Variants in PIGU observed in about 807,000 individuals in gnomAD.
The protein encoded by PIGU is GPI-anchor transamidase component PIGU.
A neutral mutation model predicts 49.9 loss-of-function variants in PIGU; 24 were observed. That is an observed-to-expected ratio of 0.48 (90% CI 0.35 to 0.68). PIGU has a LOEUF of 0.68. Ranked by LOEUF, PIGU falls within the 30% of genes least tolerant of loss-of-function variation. PIGU has a pLI of 0.01. For synonymous variants in PIGU, 220 were observed against 205.7 expected (o/e 1.07, Z -0.59); for missense variants, 490 against 532.6 (o/e 0.92, Z 0.79).
chr20:34,633,735 T>C (rs1985869226), intron 6 of PIGU, among the ~76,000 whole-genome samples: 1 of 151,902 alleles, frequency 6.6e-6, no homozygotes, highest in South Asian at 2.1e-4. Context: ...ACCCGGCTAA[T>C]TTTTTTCCTA....
rs746152548 is a variant in PIGU, at chr20:34,644,229, G to A, written c.256-3C>T. ...ATAGCAGTGAGTGCATCAGTTATCT[G>A]TCAAAAGAAAGAGAAATAATAGGAA... On this transcript the variant is annotated splice_polypyrimidine_tract_variant and splice_region_variant and intron_variant, in intron 3 of 11. Coordinates refer to ENST00000217446, the MANE Select transcript of PIGU (RefSeq NM_080476.5). 4 of 1,601,036 alleles carry A rather than the reference G, an allele frequency of 2.5e-6. No individual in the cohort carries two copies. Among genetic ancestry groups the A allele is most frequent in the Non-Finnish European group, 3.4e-6 (4 of 1,168,506 alleles).
At chr20:34,638,013 A>G in intron 4 of PIGU, 28 bp from the exon 5 acceptor site, 3 of 1,560,424 alleles carry the variant, frequency 1.9e-6, no homozygotes, top group Non-Finnish European at 2.6e-6. Flanking sequence ...AGGAAAAGAT[A>G]AAACACATGA....
chr20:34,662,158 G>C lies in PIGU; in HGVS notation c.131-4914C>G, dbSNP rs1986947250. On this transcript the variant is annotated intron_variant, in intron 1 of 11. Coordinates refer to ENST00000217446, the MANE Select transcript of PIGU (RefSeq NM_080476.5). ...CATGATCAGGGCTCACTGCAGCCTT[G>C]ACCTCTCAGGCTCAATCGATCCTCC... is the stretch of plus-strand genomic sequence containing the variant. Among the ~76,000 whole-genome samples the C allele has an allele frequency of 1.3e-5, 2 of 151,916 alleles. 1 individual carries two copies. Among genetic ancestry groups the C allele is most frequent in the African/African-American group, 4.8e-5 (2 of 41,326 alleles).
At chr20:34,603,652 T>G (rs1269019291) in intron 7 of PIGU, among the ~76,000 whole-genome samples, 1 of 152,170 alleles carries the variant, frequency 6.6e-6, no homozygotes, top group Non-Finnish European at 1.5e-5. Flanking sequence ...ATGACTCCAG[T>G]AGACTTTGAT....
Position 34,563,841 on chromosome 20 carries a change from G to A in PIGU, c.1195-2862C>T, listed in dbSNP as rs1347778190. On this transcript the variant is annotated intron_variant, in intron 11 of 11. Transcript: ENST00000217446. The stretch of plus-strand genomic sequence containing the variant: ...TGGCCAACACTATCTTAACCACGTG[G>A]TGGAGGTTAACATCAGCTTGAAATC... 5.3e-5 allele frequency among the ~76,000 whole-genome samples: 8 copies of A among 152,350 alleles called. No individual in the cohort carries two copies. The East Asian group carries it at 1.5e-3, about 29-fold the overall frequency.
At chr20:34,607,165 C>T (rs1984646771) in intron 7 of PIGU, among the ~76,000 whole-genome samples, 1 of 152,214 alleles carries the variant, frequency 6.6e-6, no homozygotes, top group South Asian at 2.1e-4. Flanking sequence ...TCTCTAAAAA[C>T]CATTCACCCA....
At chr20:34,599,846 C>T (rs1568633342) in intron 7 of PIGU, among the ~76,000 whole-genome samples, 1 of 152,160 alleles carries the variant, frequency 6.6e-6, no homozygotes, top group African/African-American at 2.4e-5. Context: ...GCTTTACACA[C>T]ATAGCTCTAC....
rs71349769 is a variant in PIGU at position 34,676,009 on chromosome 20, T to A, written c.130+947A>T. On this transcript the variant is annotated intron_variant, in intron 1 of 11. Coordinates refer to ENST00000217446, the MANE Select transcript of PIGU (RefSeq NM_080476.5). ...ACACTTACTTAATATGCATTGTATG[T>A]ATACTGTACTTCAGTAAAAAAAAAA... 8.9e-3 allele frequency among the ~76,000 whole-genome samples: 1,322 copies of A among 148,056 alleles called. 6 individuals carry two copies. The highest frequency in any genetic ancestry group is 0.024 in the Middle Eastern group (7 of 288).
At chr20:34,650,700 C>CTCTTTTTTTTTT (rs1986509194) in intron 2 of PIGU, among the ~76,000 whole-genome samples, 6 of 38,778 alleles carry the variant, frequency 1.5e-4, no homozygotes, top group African/African-American at 4.7e-4. Flanking sequence ...CTTTTTTTCT[C>CTCTTTTTTTTTT]TTTTTTTTTT....
At chr20:34,581,774 G>A in intron 9 of PIGU, 102 bp from the exon 10 acceptor site, 1 of 1,419,998 alleles carries the variant, frequency 7.0e-7, no homozygotes, top group South Asian at 1.3e-5. Context: ...ATCCTCAGGG[G>A]ACTTCAGGAA....
At chr20:34,624,474 T>G (rs1310935877) in intron 6 of PIGU, among the ~76,000 whole-genome samples, 2 of 152,212 alleles carry the variant, frequency 1.3e-5, no homozygotes, top group African/African-American at 4.8e-5. Context: ...TGATCCTTCT[T>G]TCTCCTTGGC....
intron 7 of PIGU, among the ~76,000 whole-genome samples, chr20:34,591,108 T>A (rs2146716323): frequency 6.6e-6 from 1 of 152,010 alleles, no homozygotes; most frequent in Non-Finnish European, 1.5e-5. Flanking sequence ...ATGGAAACAT[T>A]AAGCAAAAGA....
chr20:34,646,764 T>C (rs1986359535), intron 2 of PIGU, among the ~76,000 whole-genome samples: 1 of 152,146 alleles, frequency 6.6e-6, no homozygotes, highest in South Asian at 2.1e-4. Context: ...TAACATTTCT[T>C]CTTTGAGACT....
intron 2 of PIGU, 97 bp from the exon 3 acceptor site, chr20:34,645,431 A>G: frequency 7.3e-7 from 1 of 1,374,662 alleles, no homozygotes; most frequent in Non-Finnish European, 9.5e-7. Flanking sequence ...TTATGTCAGC[A>G]AACTATTATG....
At chr20:34,612,689 T>G in intron 7 of PIGU, among the ~76,000 whole-genome samples, 1 of 151,366 alleles carries the variant, frequency 6.6e-6, no homozygotes, top group Admixed American at 6.6e-5. Flanking sequence ...GGTGGTGCGA[T>G]CTAGGCTCCT....
At chr20:34,612,256 C>T (rs1032539061) in intron 7 of PIGU, among the ~76,000 whole-genome samples, 3 of 152,030 alleles carry the variant, frequency 2.0e-5, no homozygotes, top group Non-Finnish European at 2.9e-5. Flanking sequence ...ACACAGGAAC[C>T]GAAAACCAAA....
At chr20:34,664,073 T>C (rs1283565362) in intron 1 of PIGU, among the ~76,000 whole-genome samples, 3 of 152,240 alleles carry the variant, frequency 2.0e-5, no homozygotes, top group Non-Finnish European at 2.9e-5. Flanking sequence ...CTCTGCTATA[T>C]TGATGATTAA....
intron 9 of PIGU, among the ~76,000 whole-genome samples, chr20:34,583,633 C>T (rs923263949): frequency 2.0e-5 from 3 of 152,192 alleles, no homozygotes; most frequent in East Asian, 1.9e-4. Flanking sequence ...ACGGCCAGTG[C>T]GGAAAGGTGC....
At chr20:34,585,385 G>C (rs1983656500) in intron 9 of PIGU, 52 bp downstream of exon 9, 1 of 1,575,786 alleles carries the variant, frequency 6.3e-7, no homozygotes, top group Non-Finnish European at 8.7e-7. Context: ...CTAGAGGCAG[G>C]GGCTTCTCGG....
Sources: allele counts gnomAD v4.1 joint callset (sites outside exome capture counted in the v4.1 genomes callset), GRCh38; gene constraint gnomAD v4.1.1; transcripts MANE v1.5; gene names NCBI Gene and HGNC (gene_info 2026-07-23, HGNC 2026-07-21).